PUS7: variants seen among roughly 807,000 people sequenced by gnomAD.
PUS7 encodes pseudouridylate synthase 7 homolog.
In PUS7, 48 loss-of-function variants were observed where a neutral mutation model predicts 79.8. The ratio of observed to expected loss-of-function variants is 0.60; its 90% CI spans 0.48 to 0.76. The LOEUF (loss-of-function observed/expected upper bound fraction) is 0.76, where lower values mean the gene tolerates loss of function less well. PUS7 is among the 30% of genes least tolerant of loss of function. PUS7 has a pLI of 0.00. For missense variants in PUS7, 729 were observed against 797.6 expected (o/e 0.91, Z 1.04); for synonymous variants, 286 against 272.2 (o/e 1.05, Z -0.50).
At chr7:105,486,817 T>C (rs1824568930) in intron 7 of PUS7, among the ~76,000 whole-genome samples, 2 of 151,956 alleles carry the variant, frequency 1.3e-5, no homozygotes, top group African/African-American at 4.8e-5. Flanking sequence ...CCCAGCACTT[T>C]GGGAGGCCAA....
At chr7:105,457,975 A>T in intron 15 of PUS7, 49 bp from the exon 16 acceptor site, 1 of 1,588,070 alleles carries the variant, frequency 6.3e-7, no homozygotes. Context: ...AGCTGCAGAC[A>T]GACCAGCGAG....
At chr7:105,495,439 T>C in intron 5 of PUS7, 186 bp from the exon 6 acceptor site, 1 of 458,652 alleles carries the variant, frequency 2.2e-6, no homozygotes, top group East Asian at 3.7e-5. Flanking sequence ...CTTAACATTA[T>C]CTATCCATAT....
rs200210514 is a variant in PUS7, at chr7:105,508,233, C to T, written c.280G>A (p.Glu94Lys). The T allele has an allele frequency of 7.4e-6, 12 of 1,614,154 alleles. No individual in the cohort carries two copies. The highest frequency in any genetic ancestry group is 3.3e-5 in the Admixed American group (2 of 60,006). Reference protein sequence around the residue: ...EEEDGLSEECEEEESESFADM... With the variant: ...EEEDGLSEECKEEESESFADM... ...GCAAAACTCTCTGATTCCTCCTCCT[C>T]GCACTCCTCTGAAAGTCCATCTTCC... Residue 94 changes from glutamate (E) to lysine (K), a missense_variant, in exon 2 of 16, where the codon GAG becomes AAG. Transcript: ENST00000469408.
chr7:105,473,101 G>A (rs149893225), intron 9 of PUS7, among the ~76,000 whole-genome samples: 13 of 152,006 alleles, frequency 8.6e-5, no homozygotes, highest in African/African-American at 3.1e-4. Flanking sequence ...AAGTCTTTAC[G>A]TGTGAAAACT....
chr7:105,505,200 G>A (rs1278071972), intron 4 of PUS7, among the ~76,000 whole-genome samples: 15 of 151,774 alleles, frequency 9.9e-5, no homozygotes, highest in African/African-American at 1.5e-4. Flanking sequence ...ACGGGATTTC[G>A]CCATGTTGGC....
At chr7:105,475,826 C>T (rs818466) in intron 9 of PUS7, among the ~76,000 whole-genome samples, 11,830 of 152,072 alleles carry the variant, frequency 0.078, 812 homozygotes, top group African/African-American at 0.17. Flanking sequence ...AAACTCTATA[C>T]CCATTAAATA....
chr7:105,509,023 A>T (rs1825594719), intron 1 of PUS7, among the ~76,000 whole-genome samples: 1 of 142,342 alleles, frequency 7.0e-6, no homozygotes, highest in African/African-American at 2.5e-5. Context: ...TACTAAAAAT[A>T]CAAAAAAAAA....
chr7:105,481,189 CA>C lies in PUS7; in HGVS notation c.1050-13del. 6.2e-7 allele frequency: 1 copy of C among 1,600,638 alleles called. No homozygotes were observed. Among genetic ancestry groups the C allele is most frequent in the South Asian group, 1.1e-5 (1 of 87,794 alleles). On this transcript the variant is annotated splice_polypyrimidine_tract_variant and intron_variant, in intron 8 of 15. Transcript: ENST00000469408. Reference sequence around the variant, plus strand: ...TTCCTGTTATATTTCTACAGGGACACAAATTATCCAGAGGAAAAAAAGTTAC... The same window carrying C: ...TTCCTGTTATATTTCTACAGGGACACAATTATCCAGAGGAAAAAAAGTTAC...
At chr7:105,519,358 C>A (rs1322500969) in intron 1 of PUS7, among the ~76,000 whole-genome samples, 1 of 151,924 alleles carries the variant, frequency 6.6e-6, no homozygotes, top group Admixed American at 6.6e-5. Flanking sequence ...CTCAGCCTCC[C>A]GAGTAGCTGG....
At chr7:105,521,607 A>G (rs988606800) in intron 1 of PUS7, among the ~76,000 whole-genome samples, 6 of 152,216 alleles carry the variant, frequency 3.9e-5, no homozygotes, top group African/African-American at 9.6e-5. Flanking sequence ...GGCTGGACCC[A>G]CAGAAGGCAG....
intron 11 of PUS7, chr7:105,470,393 T>C (rs1823824780): frequency 4.0e-6 from 1 of 247,188 alleles, no homozygotes; most frequent in East Asian, 8.0e-5. Context: ...GACTATACAA[T>C]AGATTCGAAA....
chr7:105,503,627 T>C (rs1198191286), intron 4 of PUS7, among the ~76,000 whole-genome samples: 1 of 152,182 alleles, frequency 6.6e-6, no homozygotes, highest in Non-Finnish European at 1.5e-5. Context: ...TTCTATGTTA[T>C]TGCTATTATT....
rs1294062738 is a variant in PUS7, at chr7:105,495,196, T to C, written c.788A>G (p.Tyr263Cys). The change falls in exon 6 of 16, where the codon TAT (tyrosine) becomes TGT (cysteine). Residue 263 changes from tyrosine to cysteine, a missense_variant. Coordinates refer to ENST00000469408, the MANE Select transcript of PUS7 (RefSeq NM_019042.5). ...ATCCATGGTGTCTTTGTTTTCCTTA[T>C]ATAGTACGAAGTGGCAGTAACTTCC... ...SRGSYCHFVL[Y>C]KENKDTMDAI... 1 of 1,612,952 alleles carries C rather than the reference T, an allele frequency of 6.2e-7. No individual in the cohort carries two copies. The highest frequency in any genetic ancestry group is 1.3e-5 in the African/African-American group (1 of 74,878).
chr7:105,473,100 C>A (rs17148587), intron 9 of PUS7, among the ~76,000 whole-genome samples: 2 of 151,846 alleles, frequency 1.3e-5, no homozygotes, highest in African/African-American at 4.8e-5. Context: ...TAAGTCTTTA[C>A]GTGTGAAAAC....
At position 105,460,746 on chromosome 7, in the gene PUS7, C is replaced by T. The variant is rs578180123; in HGVS notation, c.1758-1487G>A. Among the ~76,000 whole-genome samples the T allele has an allele frequency of 1.8e-3, 254 of 139,246 alleles. 1 individual carries two copies. The highest frequency in any genetic ancestry group is 6.3e-3 in the African/African-American group (234 of 37,304). The allele number at this position is 139,246 out of a possible 152,430, so 91.4% of individuals were successfully genotyped here. A position where few individuals can be genotyped will look rare whatever the true frequency, so the allele number is the denominator to read the frequency against. ...GCGGGCGCCTGTAGTCCCAGCTACT[C>T]GGGAGGCTGAGGCAGGAGAATGGCG... On this transcript the variant is annotated intron_variant, in intron 14 of 15. Transcript: ENST00000469408.
chr7:105,518,475 T>C (rs2133303061), intron 1 of PUS7, among the ~76,000 whole-genome samples: 1 of 152,098 alleles, frequency 6.6e-6, no homozygotes, highest in East Asian at 1.9e-4. Flanking sequence ...TGATCTCAGT[T>C]CAATGCAGCC....
At chr7:105,486,489 T>C (rs1487232821) in intron 7 of PUS7, among the ~76,000 whole-genome samples, 1 of 152,210 alleles carries the variant, frequency 6.6e-6, no homozygotes, top group Admixed American at 6.5e-5. Context: ...ATTCCTGGAC[T>C]ATGTATGGGA....
intron 14 of PUS7, among the ~76,000 whole-genome samples, chr7:105,461,741 C>T (rs1208799676): frequency 6.6e-6 from 1 of 152,198 alleles, no homozygotes; most frequent in East Asian, 1.9e-4. Flanking sequence ...CTTACACAAA[C>T]ACAGATGGTA....
Position 105,496,399 on chromosome 7 carries a change from G to A in PUS7, c.731-1146C>T, listed in dbSNP as rs371984121. On this transcript the variant is annotated intron_variant, in intron 5 of 15. Transcript: ENST00000469408. The stretch of plus-strand genomic sequence containing the variant: ...CATGAGTCCTGTGTGGCACAGAGCT[G>A]CAGTTGTTACTTAAACAACACATCT... 7.9e-5 allele frequency among the ~76,000 whole-genome samples: 12 copies of A among 152,146 alleles called. No individual in the cohort carries two copies. In the East Asian group the frequency reaches 2.1e-3, roughly 27 times the overall value.
Sources: gnomAD v4.1 joint callset for allele counts (sites outside exome capture counted in the v4.1 genomes callset) on GRCh38, gnomAD v4.1.1 for gene constraint, MANE v1.5 for transcripts, NCBI Gene and HGNC (gene_info 2026-07-23, HGNC 2026-07-21) for gene names.